KLF8: variants seen among roughly 807,000 people sequenced by gnomAD.
KLF8 encodes the protein Krueppel-like factor 8.
A neutral mutation model predicts 18.2 loss-of-function variants in KLF8; 10 were observed. The ratio of observed to expected loss-of-function variants is 0.55; its 90% confidence interval spans 0.34 to 0.93. The LOEUF (loss-of-function observed/expected upper bound fraction) is 0.93. Among genes scored for constraint, KLF8 ranks in the 40% least tolerant of loss-of-function variants. The pLI is 0.02. For synonymous variants in KLF8, 109 were observed against 97.3 expected, an observed-to-expected ratio of 1.12 and a Z score of -0.71; for missense variants, 264 against 277.9, an observed-to-expected ratio of 0.95 and a Z score of 0.36.
chrX:56,185,535 T>C, the KLF8 span, among the ~76,000 whole-genome samples: 56 of 111,224 alleles, frequency 5.0e-4, 1 homozygote, highest in East Asian at 0.014. Flanking sequence ...ACCACAAAGA[T>C]ACTCCTCGAG....
chrX:55,970,190 A>G, the KLF8 span, among the ~76,000 whole-genome samples: 1 of 111,225 alleles, frequency 9.0e-6, no homozygotes, highest in African/African-American at 3.3e-5. Flanking sequence ...TTAACTAGCA[A>G]ACCAAATTCA....
chrX:56,146,478 C>T, the KLF8 span, among the ~76,000 whole-genome samples: 16 of 110,903 alleles, frequency 1.4e-4, no homozygotes, highest in African/African-American at 4.6e-4. Flanking sequence ...AATCAAACAC[C>T]ACATATTCTC....
At chrX:56,164,818 T>C in the KLF8 span, among the ~76,000 whole-genome samples, 8 of 90,361 alleles carry the variant, frequency 8.9e-5, no homozygotes, top group African/African-American at 2.9e-4. Context: ...TAGTTACATA[T>C]GTATACATGT....
chrX:56,200,824 T>C, the KLF8 span, among the ~76,000 whole-genome samples: 1 of 111,639 alleles, frequency 9.0e-6, no homozygotes, highest in Non-Finnish European at 1.9e-5. Flanking sequence ...GACATTTTTT[T>C]CCAAAGAAAA....
chrX:56,195,748 C>T, the KLF8 span, among the ~76,000 whole-genome samples: 1 of 111,450 alleles, frequency 9.0e-6, no homozygotes, highest in East Asian at 2.8e-4. Context: ...AAAGATACTC[C>T]TTGAGAAGAG....
chrX:56,074,984 G>T, the KLF8 span, among the ~76,000 whole-genome samples: 2 of 110,237 alleles, frequency 1.8e-5, no homozygotes, highest in Admixed American at 9.7e-5. Flanking sequence ...TATTTAGTAG[G>T]TGTATATATA....
At chrX:56,145,687 G>A in the KLF8 span, among the ~76,000 whole-genome samples, 47 of 112,016 alleles carry the variant, frequency 4.2e-4, no homozygotes, top group African/African-American at 1.3e-3. Flanking sequence ...TGTGCTACAT[G>A]TATACATATG....
the KLF8 span, among the ~76,000 whole-genome samples, chrX:55,960,255 G>A: frequency 2.7e-5 from 3 of 112,273 alleles, no homozygotes; most frequent in African/African-American, 6.5e-5. Context: ...AGTGGCTCAC[G>A]CCTGTAATCC....
the KLF8 span, among the ~76,000 whole-genome samples, chrX:56,050,691 T>C: frequency 8.9e-6 from 1 of 112,267 alleles, no homozygotes; most frequent in African/African-American, 3.2e-5. Flanking sequence ...CTTCCACCTA[T>C]GTGGTCAATT....
chrX:56,175,903 A>G, the KLF8 span, among the ~76,000 whole-genome samples: 2 of 111,196 alleles, frequency 1.8e-5, no homozygotes, highest in Admixed American at 1.9e-4. Flanking sequence ...TTGTTTTATC[A>G]GAGACTGGGA....
At chrX:56,161,313 C>G in the KLF8 span, among the ~76,000 whole-genome samples, 1 of 111,092 alleles carries the variant, frequency 9.0e-6, no homozygotes, top group Non-Finnish European at 1.9e-5. Context: ...GAATGTTGGC[C>G]TGCCTTGCTA....
At chrX:56,008,109 A>C in the KLF8 span, among the ~76,000 whole-genome samples, 6 of 103,339 alleles carry the variant, frequency 5.8e-5, no homozygotes, top group Admixed American at 4.9e-4. Flanking sequence ...GAATTTTATT[A>C]GTGCAAAGCT....
At chrX:55,918,906 C>A in the KLF8 span, among the ~76,000 whole-genome samples, 1 of 112,061 alleles carries the variant, frequency 8.9e-6, no homozygotes, top group South Asian at 3.7e-4. Context: ...GCTAGGACTT[C>A]AACATATCAT....
chrX:55,936,733 T>C, the KLF8 span, among the ~76,000 whole-genome samples: 3 of 112,084 alleles, frequency 2.7e-5, no homozygotes, highest in Non-Finnish European at 5.6e-5. Flanking sequence ...GATTATATCC[T>C]GCACCTGGTT....
chrX:56,033,517 C>T, the KLF8 span, among the ~76,000 whole-genome samples: 1 of 111,364 alleles, frequency 9.0e-6, no homozygotes, highest in Non-Finnish European at 1.9e-5. Flanking sequence ...ATTTTAAATC[C>T]TTTTGATATA....
chrX:56,195,473 A>G, the KLF8 span, among the ~76,000 whole-genome samples: 25 of 112,107 alleles, frequency 2.2e-4, no homozygotes, highest in African/African-American at 7.8e-4. Context: ...GAAGTGGAAG[A>G]AAGGGTATCA....
the KLF8 span, among the ~76,000 whole-genome samples, chrX:56,040,527 T>A: frequency 6.2e-5 from 7 of 112,050 alleles, no homozygotes; most frequent in Non-Finnish European, 1.3e-4. Flanking sequence ...TTAATCACAT[T>A]TATTGATTTA....
the KLF8 span, among the ~76,000 whole-genome samples, chrX:56,051,925 T>C: frequency 1.8e-5 from 2 of 110,121 alleles, no homozygotes; most frequent in Non-Finnish European, 3.8e-5. Context: ...GTAGATTTGG[T>C]CTTTTCACAT....
the KLF8 span, among the ~76,000 whole-genome samples, chrX:56,098,929 A>G: frequency 8.9e-6 from 1 of 112,310 alleles, no homozygotes; most frequent in African/African-American, 3.2e-5. Context: ...GCATTTCTTT[A>G]CAAAAAGGAT....
Sources: allele counts gnomAD v4.1 joint callset (sites outside exome capture counted in the v4.1 genomes callset), GRCh38; gene constraint gnomAD v4.1.1; transcripts MANE v1.5; gene names NCBI Gene and HGNC (gene_info 2026-07-23, HGNC 2026-07-21).